Variants in GLIS3 observed in about 807,000 individuals in gnomAD.
GLIS3 encodes GLIS family zinc finger 3.
Under a neutral mutation model 78.6 loss-of-function variants are expected in GLIS3, and 53 were observed. The ratio of observed to expected loss-of-function variants is 0.67; its 90% CI spans 0.54 to 0.85. GLIS3 has a LOEUF of 0.85. GLIS3 is among the 40% of genes least tolerant of loss of function. The pLI is 0.00. For missense variants in GLIS3, 1,703 were observed against 1,231.1 expected, an observed-to-expected ratio of 1.38 and a Z score of -5.74; for synonymous variants, 684 against 509.9, an observed-to-expected ratio of 1.34 and a Z score of -4.60.
At chr9:4,093,592 G>C (rs759601180) in intron 4 of GLIS3, among the ~76,000 whole-genome samples, 2 of 152,116 alleles carry the variant, frequency 1.3e-5, no homozygotes, top group Non-Finnish European at 2.9e-5. Flanking sequence ...GCTTATTATG[G>C]GCTTGGCCTT....
chr9:4,234,481 C>T (rs745851549), intron 2 of GLIS3, among the ~76,000 whole-genome samples: 1 of 152,150 alleles, frequency 6.6e-6, no homozygotes, highest in Non-Finnish European at 1.5e-5. Flanking sequence ...TTAAGTTTGT[C>T]ATTTTAGTCT....
At chr9:3,861,062 C>A (rs1416961770) in intron 8 of GLIS3, among the ~76,000 whole-genome samples, 1 of 152,116 alleles carries the variant, frequency 6.6e-6, no homozygotes, top group African/African-American at 2.4e-5. Flanking sequence ...GTACTTAATA[C>A]AATGAAAGTC....
At chr9:4,231,529 T>C (rs952059145) in intron 2 of GLIS3, among the ~76,000 whole-genome samples, 3 of 152,104 alleles carry the variant, frequency 2.0e-5, no homozygotes, top group Non-Finnish European at 2.9e-5. Flanking sequence ...ATAGAAAGCA[T>C]GAGCAGGAGA....
the GLIS3 span, among the ~76,000 whole-genome samples, chr9:4,408,753 G>C: frequency 1.4e-5 from 2 of 147,266 alleles, no homozygotes; most frequent in African/African-American, 5.1e-5. Context: ...AAAAAATAGA[G>C]AGAATGAATA....
chr9:4,302,182 A>G (rs1817101700), upstream of GLIS3, among the ~76,000 whole-genome samples: 2 of 152,066 alleles, frequency 1.3e-5, no homozygotes, highest in Admixed American at 1.3e-4. Flanking sequence ...GAGAAAGGAA[A>G]TCATGTAGTT....
chr9:4,009,815 A>ACATG (rs1229410988), intron 4 of GLIS3, among the ~76,000 whole-genome samples: 3 of 152,198 alleles, frequency 2.0e-5, no homozygotes, highest in Non-Finnish European at 4.4e-5. Flanking sequence ...GATTCACTGC[A>ACATG]CATGCAGAAG....
At chr9:4,006,431 T>A (rs1202142325) in intron 4 of GLIS3, among the ~76,000 whole-genome samples, 1 of 151,180 alleles carries the variant, frequency 6.6e-6, no homozygotes, top group Non-Finnish European at 1.5e-5. Context: ...GCAGGCCAGA[T>A]GATAAAAACA....
At position 4,256,425 on chromosome 9, in the gene GLIS3, A is replaced by G. The variant is rs73643721; in HGVS notation, c.388+29613T>C. ...AATCAATGAAATCCAATTTAAAATA[A>G]TAAAGACATCTAATTTTTCACCTCT... On this transcript the variant is annotated intron_variant, in intron 2 of 10. Transcript: ENST00000381971. 5.2e-3 allele frequency among the ~76,000 whole-genome samples: 795 copies of G among 152,338 alleles called. 10 individuals carry two copies. Among genetic ancestry groups the G allele is most frequent in the African/African-American group, 0.018 (749 of 41,588 alleles).
chr9:4,218,292 T>C (rs1322991515), intron 2 of GLIS3, among the ~76,000 whole-genome samples: 1 of 152,190 alleles, frequency 6.6e-6, no homozygotes, highest in Non-Finnish European at 1.5e-5. Flanking sequence ...GGTTGAACTT[T>C]TTTTTTTTTG....
At chr9:4,037,122 C>T (rs1284382123) in intron 4 of GLIS3, among the ~76,000 whole-genome samples, 1 of 152,190 alleles carries the variant, frequency 6.6e-6, no homozygotes, top group Non-Finnish European at 1.5e-5. Flanking sequence ...GCTTTACCTT[C>T]CTTACTGAAT....
At chr9:4,449,609 G>T in the GLIS3 span, among the ~76,000 whole-genome samples, 2 of 152,174 alleles carry the variant, frequency 1.3e-5, no homozygotes, top group African/African-American at 2.4e-5. Context: ...ACCCCATTGG[G>T]ATGAAGCTTC....
intron 2 of GLIS3, among the ~76,000 whole-genome samples, chr9:4,267,380 A>G (rs1826112833): frequency 6.6e-6 from 1 of 152,196 alleles, no homozygotes. Context: ...CTCATGGCTA[A>G]ATCTTGAGAT....
intron 2 of GLIS3, among the ~76,000 whole-genome samples, chr9:4,181,646 A>T (rs1271381426): frequency 6.6e-6 from 1 of 152,182 alleles, no homozygotes; most frequent in Non-Finnish European, 1.5e-5. Flanking sequence ...CCTCACACTG[A>T]GAGGTGGAAT....
chr9:4,006,185 C>T (rs576261547), intron 4 of GLIS3, among the ~76,000 whole-genome samples: 1 of 151,800 alleles, frequency 6.6e-6, no homozygotes, highest in African/African-American at 2.4e-5. Context: ...TAATGTTAGG[C>T]CCTTTGCTGT....
chr9:3,886,824 G>C (rs940284667), intron 7 of GLIS3, among the ~76,000 whole-genome samples: 1 of 152,184 alleles, frequency 6.6e-6, no homozygotes, highest in African/African-American at 2.4e-5. Context: ...GGGTCACTTG[G>C]AAGGCTGCGT....
intron 2 of GLIS3, among the ~76,000 whole-genome samples, chr9:4,335,064 A>G (rs1381501490): frequency 2.6e-5 from 4 of 151,898 alleles, no homozygotes; most frequent in African/African-American, 9.7e-5. Flanking sequence ...GCCCGCCACT[A>G]TACCTGGCTA....
intron 4 of GLIS3, among the ~76,000 whole-genome samples, chr9:3,956,028 C>CA (rs5896037): frequency 0.029 from 2,573 of 87,336 alleles, 66 homozygotes; most frequent in African/African-American, 0.082. Flanking sequence ...CCAGATTCAG[C>CA]AAAAAAAAAA....
At chr9:4,317,702 G>C (rs1817461941) in intron 2 of GLIS3, among the ~76,000 whole-genome samples, 1 of 152,116 alleles carries the variant, frequency 6.6e-6, no homozygotes, top group South Asian at 2.1e-4. Flanking sequence ...AAAATTAAGA[G>C]AAAGAAAATG....
intron 4 of GLIS3, among the ~76,000 whole-genome samples, chr9:4,055,093 G>A (rs1020142927): frequency 1.3e-5 from 2 of 152,146 alleles, no homozygotes; most frequent in African/African-American, 4.8e-5. Context: ...ATGAAAGAAG[G>A]CAATGCCTTT....
Sources: allele counts gnomAD v4.1 joint callset (sites outside exome capture counted in the v4.1 genomes callset), GRCh38; gene constraint gnomAD v4.1.1; transcripts MANE v1.5; gene names NCBI Gene and HGNC (gene_info 2026-07-23, HGNC 2026-07-21).